Variants in UNC79 observed in about 807,000 individuals in gnomAD.
The protein encoded by UNC79 is protein unc-79 homolog.
UNC79 carries 37 observed loss-of-function variants against 283.1 expected under a neutral mutation model. The ratio of observed to expected loss-of-function variants is 0.13; its 90% CI spans 0.10 to 0.17. The LOEUF (loss-of-function observed/expected upper bound fraction) is 0.17, where lower values mean the gene tolerates loss of function less well. Among genes scored for constraint, UNC79 ranks in the 10% least tolerant of loss-of-function variants. The probability of loss-of-function intolerance (pLI) is 1.00; values close to 1 mark genes in which losing one functional copy is unlikely to be tolerated. For synonymous variants in UNC79, 1,107 were observed against 1,200.2 expected (o/e 0.92, Z 1.61); for missense variants, 2,272 against 3,211.1 (o/e 0.71, Z 7.07).
rs369478980 is a variant in UNC79, at chr14:93,622,334, T to C, written c.5101T>C (p.Ser1701Pro). The C allele has an allele frequency of 2.6e-4, 418 of 1,613,964 alleles. 1 individual carries two copies. The highest frequency in any genetic ancestry group is 3.3e-4 in the Non-Finnish European group (393 of 1,180,028). ...TTCCAAAGACTTTTCTTCTAAGGAC[T>C]CAGGAAATAATCAGTCAGCAGGGAA... Residue 1701 changes from serine to proline, a missense_variant, in exon 30 of 49, where the codon TCA becomes CCA. Ser to Pro is a moderately conservative substitution (Grantham distance 74). Around this residue, in one of 11 missense-constraint regions of UNC79, gnomAD observed 580 missense variants for 632.2 expected, o/e 0.92. Coordinates refer to ENST00000555664, the Ensembl canonical transcript of UNC79.
exon 4 of UNC79, chr14:93,477,636 A>G: frequency 6.2e-7 from 1 of 1,613,270 alleles, no homozygotes; most frequent in South Asian, 1.1e-5. Context: ...ACTTTGCCCT[A>G]CACGATGATA....
At chr14:93,438,684 C>G (rs572717618) in intron 1 of UNC79, among the ~76,000 whole-genome samples, 1 of 149,746 alleles carries the variant, frequency 6.7e-6, no homozygotes, top group South Asian at 2.1e-4. Context: ...TTTCACGTAA[C>G]CCTCATTGCG....
chr14:93,466,457 T>G (rs1449830459), intron 1 of UNC79, among the ~76,000 whole-genome samples: 2 of 152,258 alleles, frequency 1.3e-5, no homozygotes. Context: ...AGTACTAGTC[T>G]GGCTCTGCCA....
rs567672254 is a variant in UNC79, at chr14:93,409,273, A to G, written c.-350-58398A>G. ...TTCTTTCTGTATCTCAATAATAATT[A>G]ATTTGAAATATAATATGAAATAATA... On this transcript the variant is annotated intron_variant, in intron 1 of 49. Transcript: ENST00000256339. Among the ~76,000 whole-genome samples, 3 of 152,348 alleles carry G rather than the reference A, an allele frequency of 2.0e-5. No homozygotes were observed. The East Asian group carries it at 5.8e-4, about 29-fold the overall frequency.
At position 93,454,038 on chromosome 14, in the gene UNC79, C is replaced by G. The variant is rs567164533; in HGVS notation, c.23-13633C>G. Reference sequence around the variant, plus strand: ...CATGTGAAGCATTTCCATGTTTAGACTTTTTAAATCTTTTTTTTTTTTTTT... The same window carrying G: ...CATGTGAAGCATTTCCATGTTTAGAGTTTTTAAATCTTTTTTTTTTTTTTT... On this transcript the variant is annotated intron_variant, in intron 1 of 48. Transcript: ENST00000555664. Among the ~76,000 whole-genome samples the G allele has an allele frequency of 4.0e-5, 5 of 125,852 alleles. No homozygotes were observed. The Admixed American group carries it at 4.6e-4, about 12-fold the overall frequency. 82.6% of individuals were successfully genotyped at this position (125,852 alleles called of 152,430 possible). A position where few individuals can be genotyped will look rare whatever the true frequency, so the allele number is the denominator to read the frequency against.
At chr14:93,608,232 A>G (rs1278468595) in intron 26 of UNC79, among the ~76,000 whole-genome samples, 1 of 152,126 alleles carries the variant, frequency 6.6e-6, no homozygotes, top group Non-Finnish European at 1.5e-5. Context: ...AAATTTTTAT[A>G]CTCTTAACTT....
chr14:93,494,187 G>A (rs2058903968), intron 5 of UNC79, among the ~76,000 whole-genome samples: 1 of 152,000 alleles, frequency 6.6e-6, no homozygotes, highest in Admixed American at 6.6e-5. Context: ...TGGGATTACA[G>A]GCATGGTGCC....
chr14:93,649,585 T>C (rs938008437), intron 35 of UNC79, among the ~76,000 whole-genome samples: 4 of 152,294 alleles, frequency 2.6e-5, no homozygotes, highest in East Asian at 1.9e-4. Context: ...TCCAGCTTTA[T>C]TGAGGTATAA....
At chr14:93,454,945 G>T (rs1279907782) in intron 1 of UNC79, among the ~76,000 whole-genome samples, 1 of 152,154 alleles carries the variant, frequency 6.6e-6, no homozygotes, top group Admixed American at 6.5e-5. Context: ...AATGGATGAT[G>T]ATGATGATGA....
At chr14:93,379,673 T>C (rs2054626834) in intron 1 of UNC79, among the ~76,000 whole-genome samples, 1 of 119,856 alleles carries the variant, frequency 8.3e-6, no homozygotes, top group South Asian at 2.8e-4. Flanking sequence ...CTGAATGCAA[T>C]AAGAATGATA....
intron 1 of UNC79, among the ~76,000 whole-genome samples, chr14:93,434,805 T>C (rs2056020893): frequency 6.6e-6 from 1 of 152,218 alleles, no homozygotes; most frequent in African/African-American, 2.4e-5. Flanking sequence ...TCCTGGCACA[T>C]AATGAGGACT....
chr14:93,569,270 T>G (rs1377099264), intron 14 of UNC79, among the ~76,000 whole-genome samples: 1 of 152,116 alleles, frequency 6.6e-6, no homozygotes, highest in East Asian at 1.9e-4. Context: ...ACCCCGTCTC[T>G]ACTAAAAATA....
At chr14:93,371,845 A>G (rs1410265995) in intron 1 of UNC79, among the ~76,000 whole-genome samples, 2 of 152,204 alleles carry the variant, frequency 1.3e-5, no homozygotes, top group Non-Finnish European at 2.9e-5. Context: ...GTCTCAAAAA[A>G]AAAAACCAAA....
intron 40 of UNC79, among the ~76,000 whole-genome samples, chr14:93,669,186 C>T (rs1236754101): frequency 6.6e-6 from 1 of 152,024 alleles, no homozygotes; most frequent in African/African-American, 2.4e-5. Context: ...ATTTTCTCTT[C>T]TGGTGGTGGT....
intron 26 of UNC79, 66 bp from the exon 28 acceptor site, chr14:93,612,731 G>A (rs1473602332): frequency 6.4e-7 from 1 of 1,562,560 alleles, no homozygotes; most frequent in Non-Finnish European, 8.7e-7. Context: ...CAATATCTAA[G>A]AGAGATTTTA....
intron 40 of UNC79, among the ~76,000 whole-genome samples, chr14:93,669,622 C>G (rs1000111583): frequency 6.6e-6 from 1 of 152,166 alleles, no homozygotes; most frequent in East Asian, 1.9e-4. Context: ...ATATTACAAG[C>G]CTTGTATGTG....
At chr14:93,402,706 A>G (rs948953286) in intron 1 of UNC79, among the ~76,000 whole-genome samples, 1 of 152,148 alleles carries the variant, frequency 6.6e-6, no homozygotes, top group African/African-American at 2.4e-5. Flanking sequence ...CTGAAATATT[A>G]ATATCAAATA....
intron 14 of UNC79, among the ~76,000 whole-genome samples, chr14:93,561,689 A>G (rs2141440339): frequency 6.6e-6 from 1 of 152,280 alleles, no homozygotes; most frequent in African/African-American, 2.4e-5. Context: ...TAAAGAATAG[A>G]ACTTCATCAG....
At chr14:93,392,361 A>C (rs2054901706) in intron 1 of UNC79, among the ~76,000 whole-genome samples, 1 of 152,210 alleles carries the variant, frequency 6.6e-6, no homozygotes, top group Non-Finnish European at 1.5e-5. Context: ...TTTAATGTTA[A>C]AAAATAAGCA....
Sources: allele counts gnomAD v4.1 joint callset (sites outside exome capture counted in the v4.1 genomes callset), GRCh38; gene constraint gnomAD v4.1.1; regional missense constraint gnomAD v4.1.1; transcripts MANE v1.5; gene names NCBI Gene and HGNC (gene_info 2026-07-23, HGNC 2026-07-21).